Variants in DNAH12 observed in about 807,000 individuals in gnomAD.
The protein encoded by DNAH12 is dynein axonemal heavy chain 12.
In DNAH12, 285 loss-of-function variants were observed where a neutral mutation model predicts 371.5. That is an observed-to-expected ratio of 0.77 (90% CI 0.70 to 0.85). DNAH12 has a LOEUF of 0.85. DNAH12 is among the 40% of genes least tolerant of loss of function. The probability of loss-of-function intolerance (pLI) is 0.00; values close to 1 mark genes in which losing one functional copy is unlikely to be tolerated. For synonymous variants in DNAH12, 1,200 were observed against 1,213.0 expected (o/e 0.99, Z 0.22); for missense variants, 3,611 against 3,689.4 (o/e 0.98, Z 0.55).
At chr3:57,499,621 C>A (rs1328816176) in intron 11 of DNAH12, among the ~76,000 whole-genome samples, 1 of 30,002 alleles carries the variant, frequency 3.3e-5, no homozygotes, top group Non-Finnish European at 7.0e-5. Flanking sequence ...TAAGGAGACA[C>A]CATCTCTACA....
At chr3:57,363,102 G>A (rs966556105) in intron 58 of DNAH12, among the ~76,000 whole-genome samples, 7 of 152,094 alleles carry the variant, frequency 4.6e-5, no homozygotes, top group South Asian at 4.1e-4. Context: ...GGAACAGAAC[G>A]GAGCCCTCAG....
intron 12 of DNAH12, among the ~76,000 whole-genome samples, chr3:57,488,240 T>G (rs1241474487): frequency 1.3e-5 from 2 of 152,142 alleles, no homozygotes; most frequent in African/African-American, 4.8e-5. Context: ...TAGCCCGGGC[T>G]GGAGTGCAGT....
intron 60 of DNAH12, among the ~76,000 whole-genome samples, chr3:57,341,255 A>G (rs2062389763): frequency 6.6e-6 from 1 of 152,176 alleles, no homozygotes; most frequent in Admixed American, 6.5e-5. Context: ...AGCCAGAGCA[A>G]TTAGGCAAGG....
At chr3:57,403,584 T>TAGA (rs1249144402) in intron 42 of DNAH12, 83 bp from the exon 43 acceptor site, 1 of 1,280,720 alleles carries the variant, frequency 7.8e-7, no homozygotes, top group East Asian at 2.6e-5. Flanking sequence ...TTCACTTTCC[T>TAGA]AGAAGAATGT....
intron 11 of DNAH12, among the ~76,000 whole-genome samples, chr3:57,494,348 T>A (rs1235648960): frequency 2.0e-5 from 3 of 151,658 alleles, no homozygotes; most frequent in Non-Finnish European, 2.9e-5. Flanking sequence ...AGCCCAGGAG[T>A]TTGAGACCAA....
chr3:57,444,916 C>G, intron 28 of DNAH12, 100 bp from the exon 29 acceptor site: 1 of 1,413,430 alleles, frequency 7.1e-7, no homozygotes, highest in South Asian at 1.5e-5. Context: ...CCCCACCCCC[C>G]TGGCTAAAAG....
At chr3:57,481,376 C>T (rs1251140913) in intron 13 of DNAH12, among the ~76,000 whole-genome samples, 1 of 152,070 alleles carries the variant, frequency 6.6e-6, no homozygotes, top group African/African-American at 2.4e-5. Context: ...ACATGAAGGA[C>T]CTCTTCAAGG....
intron 39 of DNAH12, among the ~76,000 whole-genome samples, chr3:57,409,365 A>G (rs1553682334): frequency 6.6e-6 from 1 of 152,188 alleles, no homozygotes. Context: ...AACCCTAATA[A>G]TCAACAATAG....
chr3:57,369,182 T>C, intron 55 of DNAH12, among the ~76,000 whole-genome samples: 1 of 147,186 alleles, frequency 6.8e-6, no homozygotes, highest in South Asian at 2.1e-4. Flanking sequence ...ATTGCGCCAC[T>C]GCACTCCAGC....
chr3:57,322,657 T>G (rs990239200), intron 64 of DNAH12, among the ~76,000 whole-genome samples, 174 bp from the exon 65 acceptor site: 1 of 151,164 alleles, frequency 6.6e-6, no homozygotes, highest in Non-Finnish European at 1.5e-5. Flanking sequence ...TGGCCAGGCG[T>G]GGTGGTGCAT....
chr3:57,330,613 AGAT>A (rs2062073087), intron 62 of DNAH12, among the ~76,000 whole-genome samples: 1 of 151,482 alleles, frequency 6.6e-6, no homozygotes, highest in South Asian at 2.1e-4. Flanking sequence ...ACCTAATGCC[AGAT>A]GATGAGTTAG....
intron 25 of DNAH12, among the ~76,000 whole-genome samples, chr3:57,448,046 TCTTC>T (rs1361787193): frequency 1.3e-5 from 2 of 152,216 alleles, no homozygotes; most frequent in Non-Finnish European, 2.9e-5. Context: ...AACCTCGGGC[TCTTC>T]CTTTTCAATT....
intron 12 of DNAH12, among the ~76,000 whole-genome samples, chr3:57,483,754 T>C (rs1367581055): frequency 1.3e-5 from 2 of 151,212 alleles, no homozygotes; most frequent in African/African-American, 4.9e-5. Context: ...AAAACCAGCC[T>C]GTGCAAAGTG....
At chr3:57,525,416 C>T (rs2068610539) in intron 2 of DNAH12, among the ~76,000 whole-genome samples, 1 of 152,122 alleles carries the variant, frequency 6.6e-6, no homozygotes, top group African/African-American at 2.4e-5. Context: ...TCAGCAATAT[C>T]AAGCTGTACC....
chr3:57,310,880 C>G lies in DNAH12; in HGVS notation c.10733G>C (p.Gly3578Ala). ...GTCCCAATCGTCTGTCACTCTTCCTCCATAATTACACTCCCCAGTCAGGTA... is the reference window on the plus strand; with the variant it reads ...GTCCCAATCGTCTGTCACTCTTCCTGCATAATTACACTCCCCAGTCAGGTA... ...ISYLTGECNY[G>A]GRVTDDWDRR... The change falls in exon 67 of 74, where the codon GGA (glycine) becomes GCA (alanine). Residue 3578 changes from glycine (G) to alanine (A), a missense_variant. This residue lies in a region of DNAH12 where 2,266 missense variants were observed against 2,236.9 expected (regional missense o/e 1.01). Transcript: ENST00000495027. 1 of 1,551,554 alleles carries G rather than the reference C, an allele frequency of 6.4e-7. No homozygotes were observed. Among genetic ancestry groups the G allele is most frequent in the South Asian group, 1.2e-5 (1 of 84,060 alleles).
intron 60 of DNAH12, among the ~76,000 whole-genome samples, chr3:57,342,651 C>CAAAAA (rs71088061): frequency 2.7e-3 from 95 of 34,960 alleles, no homozygotes; most frequent in South Asian, 3.4e-3. Flanking sequence ...GACTGAGACT[C>CAAAAA]AAAAAAAAAA....
intron 69 of DNAH12, among the ~76,000 whole-genome samples, chr3:57,302,549 A>T (rs1486260879): frequency 4.5e-5 from 4 of 88,302 alleles, no homozygotes; most frequent in African/African-American, 8.2e-5. Flanking sequence ...ATATATATAT[A>T]TATATATATA....
chr3:57,302,856 G>T (rs1355970685), intron 69 of DNAH12, among the ~76,000 whole-genome samples: 1 of 150,166 alleles, frequency 6.7e-6, no homozygotes, highest in African/African-American at 2.4e-5. Context: ...GATTACAGGC[G>T]TGAGCCACTG....
chr3:57,484,694 C>T (rs766716232), intron 12 of DNAH12, among the ~76,000 whole-genome samples: 18 of 152,032 alleles, frequency 1.2e-4, no homozygotes, highest in African/African-American at 4.3e-4. Flanking sequence ...TAAATGGGAC[C>T]TAATTAAACC....
Sources: allele counts gnomAD v4.1 joint callset (sites outside exome capture counted in the v4.1 genomes callset), GRCh38; gene constraint gnomAD v4.1.1; regional missense constraint gnomAD v4.1.1; transcripts MANE v1.5; gene names NCBI Gene and HGNC (gene_info 2026-07-23, HGNC 2026-07-21).